The following TRIM49 variants were observed in gnomAD, a reference collection of about 807,000 sequenced individuals.
TRIM49 encodes the protein tripartite motif-containing protein 49.
TRIM49 carries 5 observed loss-of-function variants against 27.4 expected under a neutral mutation model. The observed-to-expected ratio is 0.18, with a 90% CI of 0.10 to 0.38. The LOEUF (loss-of-function observed/expected upper bound fraction) is 0.38, where lower values mean the gene tolerates loss of function less well. Ranked by LOEUF, TRIM49 falls within the 10% of genes least tolerant of loss-of-function variation. TRIM49 has a pLI of 1.00. For missense variants in TRIM49, 188 were observed against 487.5 expected, an observed-to-expected ratio of 0.39 and a Z score of 5.79; for synonymous variants, 69 against 166.0, an observed-to-expected ratio of 0.42 and a Z score of 4.49.
the TRIM49 span, among the ~76,000 whole-genome samples, chr11:89,785,025 C>T: frequency 6.7e-6 from 1 of 149,964 alleles, no homozygotes; most frequent in African/African-American, 2.5e-5. Flanking sequence ...AGAACATTGT[C>T]AATCATTAAT....
the TRIM49 span, among the ~76,000 whole-genome samples, chr11:89,773,020 A>G: frequency 2.9e-5 from 4 of 136,090 alleles, 2 homozygotes; most frequent in African/African-American, 1.3e-4. Context: ...GTGAAACCTT[A>G]TCTCTACTAA....
chr11:89,770,556 T>C, the TRIM49 span, among the ~76,000 whole-genome samples: 2 of 142,746 alleles, frequency 1.4e-5, 1 homozygote, highest in African/African-American at 5.8e-5. Flanking sequence ...TTTCTGACCA[T>C]AGTATTAAAA....
chr11:89,773,737 G>A, the TRIM49 span, among the ~76,000 whole-genome samples: 2 of 133,520 alleles, frequency 1.5e-5, no homozygotes, highest in Non-Finnish European at 3.1e-5. Flanking sequence ...TGAGGAGTTC[G>A]AGACCAGCTT....
chr11:89,802,852 C>T (rs1342336340), intron 4 of TRIM49, among the ~76,000 whole-genome samples: 1 of 149,772 alleles, frequency 6.7e-6, no homozygotes, highest in East Asian at 1.9e-4. Flanking sequence ...CACTCAAATA[C>T]ATCATGTATT....
At chr11:89,796,842 T>C (rs1199976951), downstream of TRIM49, among the ~76,000 whole-genome samples, 3 of 152,004 alleles carry the variant, frequency 2.0e-5, no homozygotes, top group Non-Finnish European at 4.4e-5. Flanking sequence ...TTGGGTCTAA[T>C]TTGGAGCTAC....
At chr11:89,796,331 C>A (rs1251130536), downstream of TRIM49, among the ~76,000 whole-genome samples, 1 of 149,140 alleles carries the variant, frequency 6.7e-6, no homozygotes, top group Non-Finnish European at 1.5e-5. Context: ...CTTCTGGGCA[C>A]GAGCCATCGT....
rs757389356 is a variant in TRIM49 at position 89,798,262 on chromosome 11, T to C, written c.1227A>G (p.Val409=). The C allele has an allele frequency of 4.4e-6, 7 of 1,576,700 alleles. No individual in the cohort carries two copies. The highest frequency in any genetic ancestry group is 1.6e-5 in the African/African-American group (1 of 64,030). ...LQYIPKPTSR[V]GLFLDCEAKT... ...TAGCCTCACAATCCAGGAATAATCC[T>C]ACTCGGCTGGTAGGTTTTGGGATAT... is the stretch of plus-strand genomic sequence containing the variant. Residue 409 remains valine, a synonymous_variant, in exon 8 of 8, where the codon GTA becomes GTG. Transcript: ENST00000329758.
chr11:89,773,248 A>C, the TRIM49 span, among the ~76,000 whole-genome samples: 128 of 130,352 alleles, frequency 9.8e-4, 2 homozygotes, highest in East Asian at 0.026. Flanking sequence ...ATAATTTTTA[A>C]AATATGAATA....
the TRIM49 span, chr11:89,766,833 T>A: frequency 7.4e-6 from 10 of 1,342,548 alleles, 1 homozygote; most frequent in Non-Finnish European, 1.0e-5. Flanking sequence ...GTCCTTAGAT[T>A]TAAACATTGT....
chr11:89,793,433 A>C, downstream of TRIM49, among the ~76,000 whole-genome samples: 1 of 152,310 alleles, frequency 6.6e-6, no homozygotes, highest in Middle Eastern at 3.4e-3. Flanking sequence ...ACAACAAAAA[A>C]AGAGAATTTT....
At chr11:89,795,700 AC>A (rs1949682643), downstream of TRIM49, among the ~76,000 whole-genome samples, 1 of 132,794 alleles carries the variant, frequency 7.5e-6, no homozygotes, top group Non-Finnish European at 1.6e-5. Flanking sequence ...GATCACTTGG[AC>A]ACAGGAAGGG....
At chr11:89,768,069 T>C in the TRIM49 span, 1 of 539,318 alleles carries the variant, frequency 1.9e-6, no homozygotes, top group Non-Finnish European at 3.2e-6. Context: ...TAAATATAAA[T>C]ACCTATTCAC....
the TRIM49 span, among the ~76,000 whole-genome samples, chr11:89,791,665 A>C: frequency 3.3e-5 from 5 of 151,868 alleles, no homozygotes; most frequent in African/African-American, 1.2e-4. Context: ...TGAAGGAGAA[A>C]TAAACTCCTG....
chr11:89,769,822 A>G, the TRIM49 span, among the ~76,000 whole-genome samples: 1 of 99,816 alleles, frequency 1.0e-5, no homozygotes, highest in Non-Finnish European at 1.8e-5. Context: ...GGAGCACAGG[A>G]GAGAAACTCA....
At chr11:89,796,475 G>A (rs75144585), downstream of TRIM49, among the ~76,000 whole-genome samples, 542 of 116,136 alleles carry the variant, frequency 4.7e-3, 34 homozygotes, top group African/African-American at 0.013. Context: ...GCCACAAGAC[G>A]TTCTCACACC....
At chr11:89,777,138 T>G in the TRIM49 span, 1 of 1,550,674 alleles carries the variant, frequency 6.4e-7, no homozygotes, top group East Asian at 2.4e-5. Context: ...TGCGCTGCCC[T>G]TCGTGCAGAA....
the TRIM49 span, among the ~76,000 whole-genome samples, chr11:89,773,161 A>T: frequency 7.3e-6 from 1 of 136,552 alleles, no homozygotes; most frequent in South Asian, 2.3e-4. Flanking sequence ...ATTGCACTCC[A>T]GCCTGGGTGA....
In TRIM49 at chr11:89,804,270, T is replaced by C. The variant is rs1949767039; in HGVS notation, c.200A>G (p.Asn67Ser). ...KSTEQINLKT[N>S]IHLKKMASLA... ...AGAAGCCATCTTCTTCAAATGAATGTTGGTTTTGAGGTTTATCTGCTCGGT... is the reference window on the plus strand; with the variant it reads ...AGAAGCCATCTTCTTCAAATGAATGCTGGTTTTGAGGTTTATCTGCTCGGT... Residue 67 changes from asparagine to serine, a missense_variant, in exon 3 of 8, where the codon AAC becomes AGC. Asn to Ser is a conservative substitution (Grantham distance 46). Around this residue, in one of 6 missense-constraint regions of TRIM49, gnomAD observed 37 missense variants for 52.4 expected, o/e 0.71. Transcript: ENST00000329758. The C allele has an allele frequency of 3.7e-6, 6 of 1,612,162 alleles. No individual in the cohort carries two copies. The highest frequency in any genetic ancestry group is 3.4e-6 in the Non-Finnish European group (4 of 1,179,256).
chr11:89,770,859 C>G, the TRIM49 span, among the ~76,000 whole-genome samples: 2 of 140,532 alleles, frequency 1.4e-5, no homozygotes, highest in Non-Finnish European at 3.0e-5. Flanking sequence ...GAGCGAGACT[C>G]TGTCTCAAAA....
Sources: allele counts gnomAD v4.1 joint callset (sites outside exome capture counted in the v4.1 genomes callset), GRCh38; gene constraint gnomAD v4.1.1; regional missense constraint gnomAD v4.1.1; transcripts MANE v1.5; gene names NCBI Gene and HGNC (gene_info 2026-07-23, HGNC 2026-07-21).